WASHC4: variants seen among roughly 807,000 people sequenced by gnomAD.
WASHC4 encodes the protein WASH complex subunit 7.
In WASHC4, 86 loss-of-function variants were observed where a neutral mutation model predicts 166.6. The observed-to-expected ratio is 0.52, with a 90% CI of 0.43 to 0.62. The LOEUF is 0.62. Among genes scored for constraint, WASHC4 ranks in the 20% least tolerant of loss-of-function variants. The probability of loss-of-function intolerance (pLI) is 0.00; values close to 1 mark genes in which losing one functional copy is unlikely to be tolerated. For synonymous variants in WASHC4, 446 were observed against 451.6 expected, an observed-to-expected ratio of 0.99 and a Z score of 0.16; for missense variants, 1,262 against 1,382.4, an observed-to-expected ratio of 0.91 and a Z score of 1.38.
Position 105,121,101 on chromosome 12 carries a change from A to G in WASHC4, c.562A>G (p.Thr188Ala). The G allele has an allele frequency of 6.2e-7, 1 of 1,607,276 alleles. No homozygotes were observed. Among genetic ancestry groups the G allele is most frequent in the Non-Finnish European group, 8.5e-7 (1 of 1,174,216 alleles). ...IIETTGVHFQ[T>A]MYEHLGELLT... ...ATAATCATTAAAGGTTTTTTGACAG[A>G]CTATGTATGAGCACTTGGGAGAACT... Residue 188 changes from threonine (T) to alanine (A), a missense_variant and splice_region_variant, in exon 9 of 33, where the codon ACT (threonine) becomes GCT (alanine). Transcript: ENST00000332180.
At chr12:105,132,787 AGTGTGTGTGTGTGTGTGTGTGTGTGTGT>A (rs58569487) in intron 13 of WASHC4, among the ~76,000 whole-genome samples, 1 of 142,430 alleles carries the variant, frequency 7.0e-6, no homozygotes, top group Non-Finnish European at 1.5e-5. Flanking sequence ...TGAAAGAGGT[AGTGTGTGTGTGTGTGTGTGTGTGTGTGT>A]GTGTGTGTGT....
At chr12:105,161,000 G>A (rs1441883787) in intron 29 of WASHC4, among the ~76,000 whole-genome samples, 1 of 151,966 alleles carries the variant, frequency 6.6e-6, no homozygotes, top group Non-Finnish European at 1.5e-5. Flanking sequence ...GTTCCATTAG[G>A]GAAAATGGAG....
At chr12:105,109,091 G>C (rs1009081339) in intron 1 of WASHC4, among the ~76,000 whole-genome samples, 20 of 152,170 alleles carry the variant, frequency 1.3e-4, no homozygotes, top group African/African-American at 4.8e-4. Flanking sequence ...AGCCGAGATC[G>C]CGCCATTGCA....
chr12:105,118,120 C>G (rs1008641112), intron 6 of WASHC4, among the ~76,000 whole-genome samples: 3 of 152,096 alleles, frequency 2.0e-5, no homozygotes, highest in African/African-American at 7.2e-5. Context: ...GAGTGTTAGT[C>G]ACTATGCTAG....
chr12:105,159,952 A>G, intron 28 of WASHC4, 49 bp from the exon 29 acceptor site: 2 of 1,576,928 alleles, frequency 1.3e-6, no homozygotes, highest in Non-Finnish European at 1.7e-6. Flanking sequence ...ATTTTTTTCA[A>G]AGCCACGCTT....
chr12:105,118,236 G>A (rs1192854441), intron 6 of WASHC4, among the ~76,000 whole-genome samples: 1 of 152,288 alleles, frequency 6.6e-6, no homozygotes, highest in East Asian at 1.9e-4. Flanking sequence ...AATGCAGTGG[G>A]AACAAAGAGA....
chr12:105,165,962 A>C (rs1884785163), intron 32 of WASHC4, among the ~76,000 whole-genome samples: 1 of 152,126 alleles, frequency 6.6e-6, no homozygotes, highest in South Asian at 2.1e-4. Flanking sequence ...TTATGAAGAA[A>C]CTCAGTTATT....
chr12:105,114,027 G>A (rs1879939014), intron 2 of WASHC4, among the ~76,000 whole-genome samples, 189 bp from the exon 3 acceptor site: 1 of 151,958 alleles, frequency 6.6e-6, no homozygotes, highest in South Asian at 2.1e-4. Context: ...ATTGTGTCAT[G>A]TTGGGCCATT....
intron 2 of WASHC4, among the ~76,000 whole-genome samples, chr12:105,112,915 T>A (rs1435652302): frequency 6.6e-6 from 1 of 152,176 alleles, no homozygotes; most frequent in African/African-American, 2.4e-5. Flanking sequence ...ATAATGAATA[T>A]CAGGCAGCTT....
chr12:105,110,624 A>C (rs576439987), intron 1 of WASHC4, among the ~76,000 whole-genome samples: 5 of 152,354 alleles, frequency 3.3e-5, no homozygotes, highest in Non-Finnish European at 5.9e-5. Flanking sequence ...ATGCTCAAGC[A>C]GGTATAAAAC....
chr12:105,120,610 T>C lies in WASHC4; in HGVS notation c.561+13T>C. 1 of 1,569,908 alleles carries C rather than the reference T, an allele frequency of 6.4e-7. No homozygotes were observed. The highest frequency in any genetic ancestry group is 8.8e-7 in the Non-Finnish European group (1 of 1,139,976). ...AGTTCATTTTCAGGTAAAAGACATT[T>C]AGCTTGACCTGTAAAACTGTAATTA... On this transcript the variant is annotated intron_variant, in intron 8 of 32. Coordinates refer to ENST00000332180, the MANE Select transcript of WASHC4 (RefSeq NM_015275.3).
At chr12:105,136,557 T>G (rs1389867472) in intron 14 of WASHC4, among the ~76,000 whole-genome samples, 2 of 152,168 alleles carry the variant, frequency 1.3e-5, no homozygotes, top group Non-Finnish European at 2.9e-5. Context: ...TTAATGGTTA[T>G]CTGGGAATGA....
chr12:105,111,767 A>G (rs1470410242), intron 2 of WASHC4, among the ~76,000 whole-genome samples: 7 of 152,178 alleles, frequency 4.6e-5, no homozygotes, highest in African/African-American at 1.4e-4. Flanking sequence ...CCATTTTGAA[A>G]TATTTCTTTT....
At chr12:105,140,777 T>C in intron 16 of WASHC4, 122 bp from the exon 17 acceptor site, 2 of 971,014 alleles carry the variant, frequency 2.1e-6, no homozygotes, top group Non-Finnish European at 3.2e-6. Context: ...GAAGCTTAAA[T>C]GGGGAAAGTA....
At chr12:105,125,014 A>G (rs2135748753) in intron 10 of WASHC4, among the ~76,000 whole-genome samples, 1 of 152,386 alleles carries the variant, frequency 6.6e-6, no homozygotes, top group South Asian at 2.1e-4. Flanking sequence ...GCACAGATAC[A>G]GAATATTTCC....
At position 105,167,010 on chromosome 12, in the gene WASHC4, G is replaced by C; in HGVS notation, c.*79G>C. 2 of 924,788 alleles carry C rather than the reference G, an allele frequency of 2.2e-6. No individual in the cohort carries two copies. The highest frequency in any genetic ancestry group is 1.8e-6 in the Non-Finnish European group (1 of 564,142). The allele number at this position is 924,788 out of a possible 1,614,324, so 57.3% of individuals were successfully genotyped here. On this transcript the variant is annotated 3_prime_UTR_variant, in exon 33 of 33. Coordinates refer to ENST00000332180, the MANE Select transcript of WASHC4 (RefSeq NM_015275.3). ...TTGCCAGTGGAATGGATAAACTATT[G>C]ATGAATTGTTTCCTGGGTCACATCT...
chr12:105,163,254 G>A (rs530044634), intron 30 of WASHC4, among the ~76,000 whole-genome samples: 2 of 152,202 alleles, frequency 1.3e-5, no homozygotes, highest in African/African-American at 2.4e-5. Context: ...CACCATGCCC[G>A]GCCTATAGAT....
At chr12:105,120,255 A>G (rs11112378) in intron 7 of WASHC4, among the ~76,000 whole-genome samples, 14,535 of 152,248 alleles carry the variant, frequency 0.095, 766 homozygotes, top group East Asian at 0.23. Context: ...GGTTATTCAT[A>G]GGTCACCTAT....
At chr12:105,155,378 T>C (rs968329295) in intron 26 of WASHC4, among the ~76,000 whole-genome samples, 6 of 77,500 alleles carry the variant, frequency 7.7e-5, no homozygotes, top group African/African-American at 1.6e-4. Context: ...CAACAGTAAG[T>C]GCAAAAGCCC....
Sources: allele counts gnomAD v4.1 joint callset (sites outside exome capture counted in the v4.1 genomes callset), GRCh38; gene constraint gnomAD v4.1.1; transcripts MANE v1.5; gene names NCBI Gene and HGNC (gene_info 2026-07-23, HGNC 2026-07-21).